Variants in PACRGL observed in about 807,000 individuals in gnomAD.
The protein encoded by PACRGL is PACRG-like protein.
In PACRGL, 38 loss-of-function variants were observed where a neutral mutation model predicts 34.5. The observed-to-expected ratio is 1.10, with a 90% CI of 0.85 to 1.44. PACRGL has a LOEUF of 1.44. Ranked by LOEUF, PACRGL falls within the 40% of genes most tolerant of loss-of-function variation. The pLI is 0.00. For missense variants in PACRGL, 305 were observed against 281.4 expected, an observed-to-expected ratio of 1.08 and a Z score of -0.60; for synonymous variants, 128 against 100.1, an observed-to-expected ratio of 1.28 and a Z score of -1.66.
At chr4:20,708,187 G>T (rs1312791296) in intron 4 of PACRGL, among the ~76,000 whole-genome samples, 2 of 152,080 alleles carry the variant, frequency 1.3e-5, no homozygotes, top group East Asian at 3.9e-4. Flanking sequence ...ATCCTATCTT[G>T]TTGGTAAAAT....
chr4:20,749,347 A>G (rs2149336806), intron 8 of PACRGL, among the ~76,000 whole-genome samples: 1 of 152,262 alleles, frequency 6.6e-6, no homozygotes, highest in South Asian at 2.1e-4. Flanking sequence ...TCCAAGGTCT[A>G]CCACAGCAAC....
downstream of PACRGL, chr4:20,732,758 A>G: frequency 6.2e-7 from 1 of 1,610,384 alleles, no homozygotes; most frequent in Non-Finnish European, 8.5e-7. Context: ...ATCATATCGT[A>G]TATTGCTTTC....
At chr4:20,701,819 G>A (rs1437890491) in intron 1 of PACRGL, 1 of 456,340 alleles carries the variant, frequency 2.2e-6, no homozygotes, top group African/African-American at 2.0e-5. Flanking sequence ...CCGTATCCGT[G>A]GTTGGGTCAA....
At chr4:20,707,258 A>G (rs1026797880) in intron 3 of PACRGL, among the ~76,000 whole-genome samples, 1 of 152,208 alleles carries the variant, frequency 6.6e-6, no homozygotes, top group East Asian at 1.9e-4. Flanking sequence ...CAAGCTATTC[A>G]TATATAGCAA....
At chr4:20,717,351 G>A (rs988417982) in intron 7 of PACRGL, among the ~76,000 whole-genome samples, 9 of 152,178 alleles carry the variant, frequency 5.9e-5, no homozygotes, top group Admixed American at 2.6e-4. Context: ...GACACCAGTT[G>A]TCAATTTTGG....
Position 20,732,125 on chromosome 4 carries a change from CT to C in PACRGL, c.*4785del, listed in dbSNP as rs1249389579. Reference sequence around the variant, plus strand: ...GACTTATCCCTTAATACCCTCACACCTGGACCAAATGAGCTGAAGCTGATAA... The same window carrying C: ...GACTTATCCCTTAATACCCTCACACCGGACCAAATGAGCTGAAGCTGATAA... On this transcript the variant is annotated 3_prime_UTR_variant, in exon 9 of 9. Transcript: ENST00000503585. 30 of 1,191,898 alleles carry C rather than the reference CT, an allele frequency of 2.5e-5. No homozygotes were observed. Among genetic ancestry groups the C allele is most frequent in the Non-Finnish European group, 3.3e-5 (27 of 807,642 alleles). The allele number at this position is 1,191,898 out of a possible 1,614,324, so 73.8% of individuals were successfully genotyped here. A position where few individuals can be genotyped will look rare whatever the true frequency, so the allele number is the denominator to read the frequency against.
chr4:20,719,636 G>C (rs1430713683), intron 7 of PACRGL, among the ~76,000 whole-genome samples: 1 of 152,146 alleles, frequency 6.6e-6, no homozygotes, highest in Non-Finnish European at 1.5e-5. Flanking sequence ...GTAGTTGAGC[G>C]GTTTTGAGTG....
chr4:20,700,030 G>A (rs920985345), upstream of PACRGL, among the ~76,000 whole-genome samples: 1 of 152,158 alleles, frequency 6.6e-6, no homozygotes. Context: ...TCCCACAGCT[G>A]GGCATGCAGA....
chr4:20,724,806 A>T lies in PACRGL; in HGVS notation c.610-2A>T. On this transcript the variant is annotated splice_acceptor_variant, in intron 7 of 8. Coordinates refer to ENST00000503585, the MANE Select transcript of PACRGL (RefSeq NM_001258345.3). LOFTEE classifies it high-confidence loss of function. ...CGTTTCCCCCTAATCTTACTTTAAAAGCTTTCCAAGAGATTAATGGACAAG... is the reference window on the plus strand; with the variant it reads ...CGTTTCCCCCTAATCTTACTTTAAATGCTTTCCAAGAGATTAATGGACAAG... 6.8e-7 allele frequency: 1 copy of T among 1,468,378 alleles called. No homozygotes were observed. Among genetic ancestry groups the T allele is most frequent in the Non-Finnish European group, 9.0e-7 (1 of 1,116,518 alleles). The allele number at this position is 1,468,378 out of a possible 1,614,324, so 91.0% of individuals were successfully genotyped here.
chr4:20,701,646 C>T (rs1458374791), intron 1 of PACRGL: 1 of 315,904 alleles, frequency 3.2e-6, no homozygotes, highest in Middle Eastern at 1.1e-3. Flanking sequence ...ATGCTCCAGG[C>T]TTGTCAGTGG....
chr4:20,698,953 A>G (rs1379830762), upstream of PACRGL, among the ~76,000 whole-genome samples: 2 of 152,234 alleles, frequency 1.3e-5, no homozygotes, highest in African/African-American at 4.8e-5. Context: ...TGAGGCTTGT[A>G]GGAGTCGTCA....
intron 1 of PACRGL, among the ~76,000 whole-genome samples, chr4:20,703,435 T>A (rs1426783347): frequency 6.6e-6 from 1 of 151,844 alleles, no homozygotes; most frequent in East Asian, 1.9e-4. Flanking sequence ...AAGTTGGGAA[T>A]GAAGCTTGGC....
At chr4:20,713,582 A>T (rs762015617) in intron 7 of PACRGL, 43 bp downstream of exon 7, 1 of 1,462,546 alleles carries the variant, frequency 6.8e-7, no homozygotes, top group Middle Eastern at 1.7e-4. Flanking sequence ...TGTATGTATC[A>T]TGCACCATCC....
downstream of PACRGL, among the ~76,000 whole-genome samples, chr4:20,735,683 C>A (rs111737093): frequency 1.3e-5 from 2 of 151,878 alleles, no homozygotes; most frequent in African/African-American, 4.8e-5. Flanking sequence ...ACTACAGGCA[C>A]CCGCCACCAT....
At chr4:20,713,096 C>A (rs3764967) in intron 6 of PACRGL, 174 bp downstream of exon 6, 120,676 of 646,622 alleles carry the variant, frequency 0.19, 11,879 homozygotes, top group Middle Eastern at 0.22. Context: ...GGCCAGATAA[C>A]TACATACTTG....
Position 20,713,132 on chromosome 4 carries a change from A to G in PACRGL, c.501+210A>G, listed in dbSNP as rs991506234. On this transcript the variant is annotated intron_variant, in intron 6 of 8. Transcript: ENST00000503585. ...AAGACATCTTTAGAGGATGTACTAA[A>G]GGTAAAAAGGGACATTTTAAGTAAT... The G allele has an allele frequency of 1.4e-5, 8 of 566,494 alleles. No individual in the cohort carries two copies. In the South Asian group the frequency reaches 1.6e-4, roughly 11 times the overall value. The allele number at this position is 566,494 out of a possible 1,614,324, so 35.1% of individuals were successfully genotyped here.
intron 8 of PACRGL, among the ~76,000 whole-genome samples, chr4:20,725,210 C>A (rs751448901): frequency 2.6e-5 from 4 of 152,066 alleles, no homozygotes; most frequent in Non-Finnish European, 4.4e-5. Context: ...TTTTGACCAT[C>A]GAAAAGTTCA....
downstream of PACRGL, chr4:20,732,613 G>T: frequency 1.1e-6 from 1 of 928,022 alleles, no homozygotes; most frequent in Non-Finnish European, 1.8e-6. Flanking sequence ...AATCATCGTG[G>T]TGCATGGCAA....
intron 8 of PACRGL, among the ~76,000 whole-genome samples, chr4:20,738,910 G>A (rs1750359036): frequency 6.6e-6 from 1 of 152,192 alleles, no homozygotes; most frequent in Non-Finnish European, 1.5e-5. Flanking sequence ...TTTTCCAACA[G>A]TCTTAGCAAA....
Sources: gnomAD v4.1 joint callset for allele counts (sites outside exome capture counted in the v4.1 genomes callset) on GRCh38, gnomAD v4.1.1 for gene constraint, MANE v1.5 for transcripts, NCBI Gene and HGNC (gene_info 2026-07-23, HGNC 2026-07-21) for gene names.